Variants in COBLL1 observed in about 807,000 individuals in gnomAD.
COBLL1 encodes the protein cordon-bleu WH2 repeat protein like 1, also known as cordon-bleu protein-like 1.
COBLL1 carries 50 observed loss-of-function variants against 94.8 expected under a neutral mutation model. The observed-to-expected ratio is 0.53, with a 90% CI of 0.42 to 0.67. COBLL1 has a LOEUF of 0.67. Ranked by LOEUF, COBLL1 falls within the 30% of genes least tolerant of loss-of-function variation. The pLI, the probability that COBLL1 is intolerant of heterozygous loss-of-function variation, is 0.00. For synonymous variants in COBLL1, 448 were observed against 473.8 expected (o/e 0.95, Z 0.71); for missense variants, 1,362 against 1,348.7 (o/e 1.01, Z -0.15).
chr2:164,685,912 G>A lies in COBLL1; in HGVS notation c.*34C>T. The A allele has an allele frequency of 7.6e-7, 1 of 1,318,718 alleles. No individual in the cohort carries two copies. Among genetic ancestry groups the A allele is most frequent in the Non-Finnish European group, 1.1e-6 (1 of 919,894 alleles). 81.7% of individuals were successfully genotyped at this position (1,318,718 alleles called of 1,614,324 possible). ...CATTAGTATGAAGTTGGTCTGAAGTGGAAGTGAAGTGCAGTGGTGTGGCAG... is the reference window on the plus strand; with the variant it reads ...CATTAGTATGAAGTTGGTCTGAAGTAGAAGTGAAGTGCAGTGGTGTGGCAG... On this transcript the variant is annotated 3_prime_UTR_variant, in exon 14 of 14. Coordinates refer to ENST00000652658, the MANE Select transcript of COBLL1 (RefSeq NM_001365672.2).
In COBLL1 at chr2:164,692,319, G is replaced by C. The variant is rs559130110; in HGVS notation, c.3202C>G (p.Gln1068Glu). Residue 1068 changes from glutamine (Q) to glutamate (E), a missense_variant, in exon 13 of 14, where the codon CAA (glutamine) becomes GAA (glutamate). By Grantham distance (29) the Gln-to-Glu change is conservative. Coordinates refer to ENST00000652658, the MANE Select transcript of COBLL1 (RefSeq NM_001365672.2). ...GAGCTTTGGAATGTTAAAGAACTTT[G>C]TCTCATAACAGTGAATGATGGGCCA... ...TDGPSFTVMR[Q>E]SSLTFQSSDP... The C allele has an allele frequency of 6.2e-7, 1 of 1,613,580 alleles. No homozygotes were observed. The highest frequency in any genetic ancestry group is 1.3e-5 in the African/African-American group (1 of 75,002).
intron 7 of COBLL1, among the ~76,000 whole-genome samples, chr2:164,710,659 G>A (rs1440643773): frequency 2.0e-5 from 3 of 151,570 alleles, no homozygotes; most frequent in African/African-American, 7.3e-5. Context: ...CCGCCTCCCG[G>A]GTTCAAGCAG....
intron 3 of COBLL1, among the ~76,000 whole-genome samples, chr2:164,734,466 T>G (rs1416988445): frequency 6.6e-6 from 1 of 152,158 alleles, no homozygotes; most frequent in South Asian, 2.1e-4. Flanking sequence ...ACTTGAGATT[T>G]TACTGAGTGA....
At chr2:164,739,844 T>G (rs1686502484) in intron 3 of COBLL1, among the ~76,000 whole-genome samples, 1 of 152,224 alleles carries the variant, frequency 6.6e-6, no homozygotes, top group Non-Finnish European at 1.5e-5. Flanking sequence ...ATTTTCTATT[T>G]GAACATTTCT....
chr2:164,777,323 T>C (rs1471827895), intron 2 of COBLL1, among the ~76,000 whole-genome samples: 1 of 137,436 alleles, frequency 7.3e-6, no homozygotes, highest in East Asian at 2.0e-4. Flanking sequence ...ATTCACTAAA[T>C]CATGAGTTAC....
At chr2:164,726,340 G>T (rs1233464315) in intron 5 of COBLL1, among the ~76,000 whole-genome samples, 1 of 151,924 alleles carries the variant, frequency 6.6e-6, no homozygotes, top group African/African-American at 2.4e-5. Flanking sequence ...GTTTGTTAAG[G>T]CTTGTTTTTT....
In COBLL1 at chr2:164,729,895, T is replaced by C; in HGVS notation, c.432+19A>G. 1 of 1,590,412 alleles carries C rather than the reference T, an allele frequency of 6.3e-7. No homozygotes were observed. ...ATAATGACTGAATAAGACATCAAAA[T>C]ATATAATGGAATTCTTACCTCTGGT... is the stretch of plus-strand genomic sequence containing the variant. On this transcript the variant is annotated intron_variant, in intron 4 of 13. Coordinates refer to ENST00000652658, the MANE Select transcript of COBLL1 (RefSeq NM_001365672.2).
chr2:164,753,317 C>A (rs1687217475), intron 2 of COBLL1, among the ~76,000 whole-genome samples: 1 of 152,204 alleles, frequency 6.6e-6, no homozygotes, highest in South Asian at 2.1e-4. Flanking sequence ...CAAGTCCCTA[C>A]CACAAGCCAT....
chr2:164,658,141 T>C (rs1346802492), intron 2 of COBLL1, among the ~76,000 whole-genome samples: 2 of 152,112 alleles, frequency 1.3e-5, no homozygotes, highest in Non-Finnish European at 1.5e-5. Flanking sequence ...TGGTCATGTG[T>C]GAGTTAAGTT....
chr2:164,825,792 G>C (rs1685401477), intron 2 of COBLL1, among the ~76,000 whole-genome samples: 1 of 152,156 alleles, frequency 6.6e-6, no homozygotes, highest in Admixed American at 6.5e-5. Flanking sequence ...ACTAAGTGAT[G>C]TGGTTGCAGT....
At chr2:164,771,452 G>A (rs1688199373) in intron 2 of COBLL1, among the ~76,000 whole-genome samples, 1 of 151,918 alleles carries the variant, frequency 6.6e-6, no homozygotes, top group African/African-American at 2.4e-5. Flanking sequence ...AGCATGATTA[G>A]AGTACCCCTA....
intron 5 of COBLL1, chr2:164,724,712 A>G (rs1467924747): frequency 1.3e-5 from 2 of 152,212 alleles, no homozygotes; most frequent in African/African-American, 2.4e-5. Flanking sequence ...AGATAAATAT[A>G]TAGTCTTAAA....
intron 2 of COBLL1, among the ~76,000 whole-genome samples, chr2:164,821,828 CTACTT>C (rs1685183063): frequency 6.6e-6 from 1 of 152,098 alleles, no homozygotes; most frequent in African/African-American, 2.4e-5. Flanking sequence ...AGTTACAAAA[CTACTT>C]TATTTATATT....
At chr2:164,796,157 G>A (rs1683442696) in intron 2 of COBLL1, among the ~76,000 whole-genome samples, 1 of 152,200 alleles carries the variant, frequency 6.6e-6, no homozygotes, top group African/African-American at 2.4e-5. Flanking sequence ...ACAATATTTT[G>A]TAGGGCAACT....
chr2:164,751,357 G>A (rs1204233751), intron 2 of COBLL1, among the ~76,000 whole-genome samples: 1 of 151,992 alleles, frequency 6.6e-6, no homozygotes, highest in Non-Finnish European at 1.5e-5. Context: ...AACTATAACT[G>A]GCACAAGATG....
At chr2:164,755,464 G>A (rs1687351524) in intron 2 of COBLL1, among the ~76,000 whole-genome samples, 1 of 152,080 alleles carries the variant, frequency 6.6e-6, no homozygotes, top group African/African-American at 2.4e-5. Context: ...GTTTCATTAG[G>A]TTGATTTTTT....
At chr2:164,725,772 T>C (rs776056715) in intron 5 of COBLL1, among the ~76,000 whole-genome samples, 3 of 152,186 alleles carry the variant, frequency 2.0e-5, no homozygotes, top group Non-Finnish European at 4.4e-5. Flanking sequence ...TCCTCCACAC[T>C]AGTTAGCCAT....
At chr2:164,825,411 C>T (rs1574658524) in intron 2 of COBLL1, among the ~76,000 whole-genome samples, 1 of 152,080 alleles carries the variant, frequency 6.6e-6, no homozygotes, top group Admixed American at 6.6e-5. Context: ...ATTTATTCTA[C>T]CTGAAAATTT....
chr2:164,737,044 T>C (rs750255382), intron 3 of COBLL1, among the ~76,000 whole-genome samples: 14 of 152,088 alleles, frequency 9.2e-5, no homozygotes, highest in Admixed American at 2.0e-4. Context: ...ACATCTGTAA[T>C]CCCAGCACTT....
Sources: gnomAD v4.1 joint callset for allele counts (sites outside exome capture counted in the v4.1 genomes callset) on GRCh38, gnomAD v4.1.1 for gene constraint, MANE v1.5 for transcripts, NCBI Gene and HGNC (gene_info 2026-07-23, HGNC 2026-07-21) for gene names.